IL1RAPL2: variants seen among roughly 807,000 people sequenced by gnomAD.
The protein encoded by IL1RAPL2 is X-linked interleukin-1 receptor accessory protein-like 2.
Under a neutral mutation model 44.1 loss-of-function variants are expected in IL1RAPL2, and 3 were observed. That is an observed-to-expected ratio of 0.07 (90% CI 0.03 to 0.18). IL1RAPL2 has a LOEUF of 0.18. Among genes scored for constraint, IL1RAPL2 ranks in the 10% least tolerant of loss-of-function variants. The pLI, the probability that IL1RAPL2 is intolerant of heterozygous loss-of-function variation, is 1.00. For missense variants in IL1RAPL2, 391 were observed against 496.4 expected, an observed-to-expected ratio of 0.79 and a Z score of 2.02; for synonymous variants, 181 against 178.8, an observed-to-expected ratio of 1.01 and a Z score of -0.10.
At chrX:104,759,593 C>A (rs1474228079) in intron 2 of IL1RAPL2, among the ~76,000 whole-genome samples, 1 of 111,108 alleles carries the variant, frequency 9.0e-6, no homozygotes, top group African/African-American at 3.3e-5. Context: ...CAAATATTTT[C>A]TTACCTGTGA....
intron 1 of IL1RAPL2, among the ~76,000 whole-genome samples, chrX:104,652,409 T>G (rs1433107085): frequency 8.9e-6 from 1 of 112,226 alleles, no homozygotes; most frequent in Non-Finnish European, 1.9e-5. Context: ...CTCATTTGCA[T>G]TATTTAAACA....
chrX:104,590,586 C>T (rs1039586951), intron 1 of IL1RAPL2, among the ~76,000 whole-genome samples: 4 of 111,489 alleles, frequency 3.6e-5, no homozygotes, highest in Admixed American at 9.5e-5. Flanking sequence ...CTGCATGTGA[C>T]TTTCTTGTGT....
At chrX:105,502,082 A>G (rs1202322947) in intron 6 of IL1RAPL2, among the ~76,000 whole-genome samples, 2 of 112,141 alleles carry the variant, frequency 1.8e-5, no homozygotes, top group African/African-American at 6.5e-5. Context: ...CTCTAAGAAT[A>G]TTGTCTAAAA....
chrX:104,939,842 C>T (rs1925120044), intron 2 of IL1RAPL2, among the ~76,000 whole-genome samples: 1 of 111,654 alleles, frequency 9.0e-6, no homozygotes, highest in Non-Finnish European at 1.9e-5. Flanking sequence ...AGCCAGTAAC[C>T]TACACCGTAT....
At chrX:105,209,833 G>GA (rs1191055229) in intron 3 of IL1RAPL2, among the ~76,000 whole-genome samples, 5 of 110,217 alleles carry the variant, frequency 4.5e-5, no homozygotes, top group Admixed American at 9.6e-5. Context: ...ATGTTTTACT[G>GA]AAAAAAAAAG....
chrX:104,604,633 CAAA>C (rs36050333), intron 1 of IL1RAPL2, among the ~76,000 whole-genome samples: 228 of 31,085 alleles, frequency 7.3e-3, no homozygotes, highest in African/African-American at 0.024. Flanking sequence ...AAATGCATAG[CAAA>C]AAAAAAAAAA....
At chrX:105,401,484 T>C (rs1298432556) in intron 5 of IL1RAPL2, among the ~76,000 whole-genome samples, 1 of 111,480 alleles carries the variant, frequency 9.0e-6, no homozygotes, top group Non-Finnish European at 1.9e-5. Flanking sequence ...GTCTTTGATA[T>C]TGAACCTTTA....
intron 3 of IL1RAPL2, chrX:105,218,886 G>A (rs1402819094): frequency 7.8e-5 from 26 of 333,100 alleles, no homozygotes; most frequent in Non-Finnish European, 1.2e-4. Flanking sequence ...CCCGGCCCCC[G>A]CCACCACAAG....
At chrX:105,762,680 C>T (rs931107382) in intron 10 of IL1RAPL2, among the ~76,000 whole-genome samples, 1 of 111,532 alleles carries the variant, frequency 9.0e-6, no homozygotes, top group Non-Finnish European at 1.9e-5. Flanking sequence ...CCCTTTTGGT[C>T]TTTTCTGTCA....
intron 2 of IL1RAPL2, among the ~76,000 whole-genome samples, chrX:104,731,230 C>T (rs1931910569): frequency 9.2e-6 from 1 of 109,245 alleles, no homozygotes; most frequent in African/African-American, 3.4e-5. Flanking sequence ...TAATTAGATC[C>T]CATTTGTCAA....
intron 1 of IL1RAPL2, among the ~76,000 whole-genome samples, chrX:104,616,964 A>C (rs1929292369): frequency 8.9e-6 from 1 of 111,769 alleles, no homozygotes; most frequent in Admixed American, 9.5e-5. Flanking sequence ...AATTAGATAC[A>C]ATTTGTCAAA....
chrX:105,520,600 C>T (rs992357267), intron 6 of IL1RAPL2, among the ~76,000 whole-genome samples: 2 of 111,088 alleles, frequency 1.8e-5, no homozygotes, highest in Admixed American at 9.6e-5. Flanking sequence ...TTCAAGCAAC[C>T]GTTTATGGCC....
At chrX:105,078,908 C>T (rs184501252) in intron 2 of IL1RAPL2, among the ~76,000 whole-genome samples, 2 of 111,962 alleles carry the variant, frequency 1.8e-5, no homozygotes, top group African/African-American at 6.5e-5. Context: ...GGGAGTGACC[C>T]GATTTTCCAG....
Position 105,243,543 on chromosome X carries a change from G to A in IL1RAPL2, c.543+9539G>A, listed in dbSNP as rs5962488. Among the ~76,000 whole-genome samples the A allele has an allele frequency of 0.035, 2,665 of 75,357 alleles. 104 individuals carry two copies. In the African/African-American group the frequency reaches 0.4, roughly 11 times the overall value. 65.4% of individuals were successfully genotyped at this position (75,357 alleles called of 115,157 possible). ...ACAAATGGAGATTTCATATATATATGTGTGTATATATATATATATGTGTGT... is the reference window on the plus strand; with the variant it reads ...ACAAATGGAGATTTCATATATATATATGTGTATATATATATATATGTGTGT... On this transcript the variant is annotated intron_variant, in intron 4 of 10. Coordinates refer to ENST00000372582, the MANE Select transcript of IL1RAPL2 (RefSeq NM_017416.2).
chrX:104,774,122 C>T (rs140436577), intron 2 of IL1RAPL2, among the ~76,000 whole-genome samples: 158 of 111,787 alleles, frequency 1.4e-3, no homozygotes, highest in African/African-American at 4.7e-3. Flanking sequence ...CATTATGCCA[C>T]GCTCTGTGCC....
intron 2 of IL1RAPL2, among the ~76,000 whole-genome samples, chrX:104,876,010 G>A (rs1922891087): frequency 9.0e-6 from 1 of 110,910 alleles, no homozygotes; most frequent in Non-Finnish European, 1.9e-5. Flanking sequence ...AGTTATGGAT[G>A]GGTGGTAACA....
chrX:105,533,578 C>G (rs896618669), intron 6 of IL1RAPL2, among the ~76,000 whole-genome samples: 1 of 112,210 alleles, frequency 8.9e-6, no homozygotes, highest in Non-Finnish European at 1.9e-5. Flanking sequence ...GAGGCTCCCT[C>G]AAAGACCCTC....
At chrX:105,582,359 C>T (rs1172618385) in intron 6 of IL1RAPL2, among the ~76,000 whole-genome samples, 1 of 110,909 alleles carries the variant, frequency 9.0e-6, no homozygotes, top group Admixed American at 9.7e-5. Flanking sequence ...ATTAAAAAAC[C>T]TACTTGAAAT....
At chrX:104,638,611 A>G (rs1199873197) in intron 1 of IL1RAPL2, among the ~76,000 whole-genome samples, 1 of 111,939 alleles carries the variant, frequency 8.9e-6, no homozygotes, top group Non-Finnish European at 1.9e-5. Flanking sequence ...TTCTTCATCT[A>G]CCCAATAATC....
Sources: gnomAD v4.1 joint callset for allele counts (sites outside exome capture counted in the v4.1 genomes callset) on GRCh38, gnomAD v4.1.1 for gene constraint, MANE v1.5 for transcripts, NCBI Gene and HGNC (gene_info 2026-07-23, HGNC 2026-07-21) for gene names.